RPH3A: variants seen among roughly 807,000 people sequenced by gnomAD.
The protein encoded by RPH3A is rabphilin-3A.
In RPH3A, 48 loss-of-function variants were observed where a neutral mutation model predicts 102.2. The observed-to-expected ratio is 0.47, with a 90% confidence interval of 0.37 to 0.60. RPH3A has a LOEUF of 0.60. Among genes scored for constraint, RPH3A ranks in the 20% least tolerant of loss-of-function variants. The probability of loss-of-function intolerance (pLI) is 0.00; values close to 1 mark genes in which losing one functional copy is unlikely to be tolerated. For missense variants in RPH3A, 781 were observed against 910.1 expected (o/e 0.86, Z 1.83); for synonymous variants, 310 against 324.3 (o/e 0.96, Z 0.47).
chr12:112,719,276 G>A (rs1231088848), intron 1 of RPH3A, among the ~76,000 whole-genome samples: 2 of 152,220 alleles, frequency 1.3e-5, no homozygotes, highest in African/African-American at 4.8e-5. Flanking sequence ...AGAGAAATGG[G>A]GAAGTCAGAC....
At chr12:112,744,769 T>A (rs1274250519) in intron 1 of RPH3A, among the ~76,000 whole-genome samples, 1 of 152,144 alleles carries the variant, frequency 6.6e-6, no homozygotes, top group African/African-American at 2.4e-5. Flanking sequence ...TGAACACAGT[T>A]CCCCTGACTC....
chr12:112,731,531 C>A (rs2040634368), intron 1 of RPH3A, among the ~76,000 whole-genome samples: 1 of 152,220 alleles, frequency 6.6e-6, no homozygotes, highest in South Asian at 2.1e-4. Context: ...CTTTGGGAGA[C>A]TTTGTAACAA....
At chr12:112,825,399 G>C (rs2041849846) in intron 2 of RPH3A, among the ~76,000 whole-genome samples, 1 of 152,186 alleles carries the variant, frequency 6.6e-6, no homozygotes, top group Non-Finnish European at 1.5e-5. Context: ...AGGTCACTGT[G>C]TGTTCACCTC....
intron 1 of RPH3A, among the ~76,000 whole-genome samples, chr12:112,669,311 C>G (rs1346535349): frequency 6.6e-6 from 1 of 152,170 alleles, no homozygotes; most frequent in Non-Finnish European, 1.5e-5. Context: ...ATGTTGTAAA[C>G]TTGTATCAAA....
chr12:112,851,629 C>T (rs892756643), intron 5 of RPH3A, among the ~76,000 whole-genome samples: 4 of 152,124 alleles, frequency 2.6e-5, no homozygotes, highest in South Asian at 4.1e-4. Flanking sequence ...CCAGGCCATG[C>T]GCAGCAACCC....
chr12:112,844,330 C>T lies in RPH3A; in HGVS notation c.84-3366C>T, dbSNP rs2042195666. On this transcript the variant is annotated intron_variant, in intron 4 of 21. Coordinates refer to ENST00000389385, the MANE Select transcript of RPH3A (RefSeq NM_001143854.2). ...GCCCACAGGATGGGATCAGAGAGGTCCACACGATTAGGAAATGTAGGCAGC... is the reference window on the plus strand; with the variant it reads ...GCCCACAGGATGGGATCAGAGAGGTTCACACGATTAGGAAATGTAGGCAGC... 3.3e-5 allele frequency among the ~76,000 whole-genome samples: 5 copies of T among 152,150 alleles called. 1 individual carries two copies. In the South Asian group the frequency reaches 1.0e-3, roughly 32 times the overall value.
At chr12:112,745,825 G>A (rs1048334256) in intron 1 of RPH3A, among the ~76,000 whole-genome samples, 16 of 152,152 alleles carry the variant, frequency 1.1e-4, no homozygotes, top group African/African-American at 3.4e-4. Flanking sequence ...CAGCAGTGGG[G>A]TGCACCACAG....
intron 3 of RPH3A, 24 bp downstream of exon 3, chr12:112,828,413 A>C (rs2041916602): frequency 6.3e-7 from 1 of 1,577,324 alleles, no homozygotes; most frequent in Admixed American, 1.8e-5. Flanking sequence ...TCTTCCTGGG[A>C]GTGGCTTGTT....
At chr12:112,789,450 A>G (rs1038189595), upstream of RPH3A, among the ~76,000 whole-genome samples, 2 of 152,228 alleles carry the variant, frequency 1.3e-5, no homozygotes, top group South Asian at 2.1e-4. Flanking sequence ...GACATCCTGG[A>G]GCATGTTCTT....
intron 1 of RPH3A, among the ~76,000 whole-genome samples, chr12:112,775,096 T>G (rs2040956842): frequency 6.6e-6 from 1 of 151,096 alleles, no homozygotes; most frequent in Admixed American, 6.6e-5. Context: ...GGAAGGATGG[T>G]TAATGCATGC....
intron 1 of RPH3A, among the ~76,000 whole-genome samples, chr12:112,759,601 C>T (rs2040841992): frequency 6.6e-6 from 1 of 152,168 alleles, no homozygotes; most frequent in Non-Finnish European, 1.5e-5. Context: ...GACCCTGGTC[C>T]ACCTTGTTTT....
At chr12:112,604,099 G>A (rs1226720313) in intron 1 of RPH3A, among the ~76,000 whole-genome samples, 3 of 152,196 alleles carry the variant, frequency 2.0e-5, no homozygotes, top group African/African-American at 7.2e-5. Context: ...ATCTTTATGT[G>A]CAGAATATGA....
chr12:112,874,058 C>T (rs1203478837), intron 10 of RPH3A: 1 of 152,176 alleles, frequency 6.6e-6, no homozygotes, highest in African/African-American at 2.4e-5. Flanking sequence ...GATTTGTAAG[C>T]CCCCAGGCAG....
chr12:112,678,324 AGAAAGAAGGAAG>A lies in RPH3A; in HGVS notation c.-140+103009_-140+103020del, dbSNP rs1566255422. ...AAGAAAGAGAGAGAGAGAGAAAGAA[AGAAAGAAGGAAG>A]GAAGGAAGGAAGGAAGGAAAGGAAG... On this transcript the variant is annotated intron_variant, in intron 1 of 21. Transcript: ENST00000543106. Among the ~76,000 whole-genome samples, 12 of 47,564 alleles carry A rather than the reference AGAAAGAAGGAAG, an allele frequency of 2.5e-4. 1 individual carries two copies. The highest frequency in any genetic ancestry group is 8.3e-4 in the African/African-American group (12 of 14,524). The allele number at this position is 47,564 out of a possible 152,430, so 31.2% of individuals were successfully genotyped here. A position where few individuals can be genotyped will look rare whatever the true frequency, so the allele number is the denominator to read the frequency against.
In RPH3A at chr12:112,692,629, G is replaced by A. The variant is rs114538081; in HGVS notation, c.-139-99514G>A. 1.2e-3 allele frequency among the ~76,000 whole-genome samples: 179 copies of A among 152,162 alleles called. 2 individuals carry two copies. The highest frequency in any genetic ancestry group is 4.0e-3 in the African/African-American group (165 of 41,494). ...GAACACCAATTTGTCTGATTTCAAA[G>A]CCACTTTCTATACCACACTAATGTC... is the stretch of plus-strand genomic sequence containing the variant. On this transcript the variant is annotated intron_variant, in intron 1 of 21. Transcript: ENST00000543106.
chr12:112,704,198 C>T (rs970273531), intron 1 of RPH3A, among the ~76,000 whole-genome samples: 5 of 152,050 alleles, frequency 3.3e-5, no homozygotes, highest in African/African-American at 4.8e-5. Context: ...AAGCAATTCT[C>T]ATGCCTCAGC....
intron 1 of RPH3A, among the ~76,000 whole-genome samples, chr12:112,710,578 CAG>C (rs2040454095): frequency 6.6e-6 from 1 of 152,176 alleles, no homozygotes; most frequent in African/African-American, 2.4e-5. Flanking sequence ...CTTAAGGTCC[CAG>C]AGGCTAAAAG....
chr12:112,772,872 T>C (rs1474230565), intron 1 of RPH3A, among the ~76,000 whole-genome samples: 1 of 152,052 alleles, frequency 6.6e-6, no homozygotes, highest in African/African-American at 2.4e-5. Context: ...TGTAGTCTTT[T>C]ATCCCTCACC....
At chr12:112,870,066 C>T (rs2042682435) in intron 10 of RPH3A, 27 bp downstream of exon 10, 1 of 1,597,226 alleles carries the variant, frequency 6.3e-7, no homozygotes, top group Non-Finnish European at 8.5e-7. Flanking sequence ...AATCCAGAGA[C>T]AGTTCTCTGG....
Sources: gnomAD v4.1 joint callset for allele counts (sites outside exome capture counted in the v4.1 genomes callset) on GRCh38, gnomAD v4.1.1 for gene constraint, MANE v1.5 for transcripts, NCBI Gene and HGNC (gene_info 2026-07-23, HGNC 2026-07-21) for gene names.